The following GLIS3 variants were observed in gnomAD, a reference collection of about 807,000 sequenced individuals.
GLIS3 encodes the protein GLIS family zinc finger 3.
A neutral mutation model predicts 78.6 loss-of-function variants in GLIS3; 53 were observed. That is an observed-to-expected ratio of 0.67 (90% CI 0.54 to 0.85). The LOEUF (loss-of-function observed/expected upper bound fraction) is 0.85, where lower values mean the gene tolerates loss of function less well. Ranked by LOEUF, GLIS3 falls within the 40% of genes least tolerant of loss-of-function variation. The pLI, the probability that GLIS3 is intolerant of heterozygous loss-of-function variation, is 0.00. For missense variants in GLIS3, 1,703 were observed against 1,231.1 expected (o/e 1.38, Z -5.74); for synonymous variants, 684 against 509.9 (o/e 1.34, Z -4.60).
chr9:4,274,566 G>C (rs1282673450), intron 2 of GLIS3, among the ~76,000 whole-genome samples: 1 of 152,196 alleles, frequency 6.6e-6, no homozygotes, highest in Non-Finnish European at 1.5e-5. Context: ...AAGTGGAAGA[G>C]TCAGCGGTCA....
At chr9:4,126,433 G>T (rs1318799090) in intron 2 of GLIS3, among the ~76,000 whole-genome samples, 2 of 152,092 alleles carry the variant, frequency 1.3e-5, no homozygotes, top group Non-Finnish European at 2.9e-5. Context: ...CTCTACTCTT[G>T]ATTTTTTTTC....
At chr9:4,245,695 C>T (rs542681500) in intron 2 of GLIS3, among the ~76,000 whole-genome samples, 9 of 152,192 alleles carry the variant, frequency 5.9e-5, no homozygotes, top group Admixed American at 4.6e-4. Flanking sequence ...GTGATGGATA[C>T]GCTAATTATC....
chr9:4,365,555 CA>C, the GLIS3 span, among the ~76,000 whole-genome samples: 3 of 145,374 alleles, frequency 2.1e-5, no homozygotes, highest in South Asian at 2.2e-4. Context: ...GACTCCATCT[CA>C]AAAAAAAAGA....
At chr9:3,980,367 A>G (rs1360010367) in intron 4 of GLIS3, among the ~76,000 whole-genome samples, 1 of 152,220 alleles carries the variant, frequency 6.6e-6, no homozygotes. Context: ...CGTAAGTGGC[A>G]GAGCTGGGAT....
intron 4 of GLIS3, among the ~76,000 whole-genome samples, chr9:3,988,854 A>G (rs1424319938): frequency 6.6e-6 from 1 of 152,166 alleles, no homozygotes; most frequent in African/African-American, 2.4e-5. Context: ...ATTTAGAGTT[A>G]GGCAAAGACT....
chr9:3,985,412 T>G (rs1266878858), intron 4 of GLIS3, among the ~76,000 whole-genome samples: 1 of 152,196 alleles, frequency 6.6e-6, no homozygotes, highest in Non-Finnish European at 1.5e-5. Flanking sequence ...CCTCCCAAGG[T>G]GCTGGGATTA....
intron 2 of GLIS3, among the ~76,000 whole-genome samples, chr9:4,247,782 T>A (rs372490016): frequency 6.6e-5 from 10 of 152,214 alleles, no homozygotes; most frequent in Middle Eastern, 3.2e-3. Flanking sequence ...AGTTTTCTCA[T>A]AATTATTTTA....
At chr9:4,029,779 C>T (rs1037532056) in intron 4 of GLIS3, among the ~76,000 whole-genome samples, 1 of 152,160 alleles carries the variant, frequency 6.6e-6, no homozygotes, top group Non-Finnish European at 1.5e-5. Context: ...ATGCAAATGA[C>T]TGGATCTCAT....
In GLIS3 at chr9:3,865,570, G is replaced by C. The variant is rs553392318; in HGVS notation, c.2298-9386C>G. Among the ~76,000 whole-genome samples, 6 of 152,354 alleles carry C rather than the reference G, an allele frequency of 3.9e-5. No homozygotes were observed. The South Asian group carries it at 1.2e-3, about 32-fold the overall frequency. On this transcript the variant is annotated intron_variant, in intron 8 of 10. Transcript: ENST00000381971. ...CAAGTTGGAATAATACCATGAGTTA[G>C]TGTGACTTCCATTGTTGCTTCATGC...
chr9:4,245,171 C>T lies in GLIS3; in HGVS notation c.388+40867G>A, dbSNP rs76378971. Among the ~76,000 whole-genome samples, 797 of 152,230 alleles carry T rather than the reference C, an allele frequency of 5.2e-3. 4 individuals carry two copies. The highest frequency in any genetic ancestry group is 0.018 in the African/African-American group (758 of 41,544). ...AACCATGTTTTCTTAATGATCTGAG[C>T]AACAATCAGTCCAGATCATGTTGGT... On this transcript the variant is annotated intron_variant, in intron 2 of 10. Coordinates refer to ENST00000381971, the MANE Select transcript of GLIS3 (RefSeq NM_001042413.2).
intron 2 of GLIS3, among the ~76,000 whole-genome samples, chr9:4,161,702 G>C (rs1186856033): frequency 2.8e-5 from 3 of 108,616 alleles, no homozygotes; most frequent in East Asian, 2.9e-4. Context: ...TTTTGAGACA[G>C]AGTTTCGCTC....
At chr9:4,228,366 G>A (rs748949718) in intron 2 of GLIS3, among the ~76,000 whole-genome samples, 3 of 152,156 alleles carry the variant, frequency 2.0e-5, no homozygotes, top group Admixed American at 6.5e-5. Flanking sequence ...CCATGCGAAT[G>A]TAACAGGTGA....
chr9:4,029,343 G>A (rs1392570403), intron 4 of GLIS3, among the ~76,000 whole-genome samples: 1 of 151,590 alleles, frequency 6.6e-6, no homozygotes, highest in East Asian at 1.9e-4. Flanking sequence ...TTCATAGTAG[G>A]TGTATATATT....
At chr9:4,285,942 A>G in intron 2 of GLIS3, 96 bp downstream of exon 2, 1 of 1,415,104 alleles carries the variant, frequency 7.1e-7, no homozygotes, top group Non-Finnish European at 1.0e-6. Flanking sequence ...CTGACACTGA[A>G]TCATGTATTT....
intron 2 of GLIS3, among the ~76,000 whole-genome samples, chr9:4,345,661 A>G (rs540871524): frequency 6.6e-6 from 1 of 152,358 alleles, no homozygotes; most frequent in African/African-American, 2.4e-5. Flanking sequence ...ACAGAAATTT[A>G]TCTTCTTTTC....
At chr9:4,099,355 G>A (rs1403980419) in intron 4 of GLIS3, among the ~76,000 whole-genome samples, 1 of 152,114 alleles carries the variant, frequency 6.6e-6, no homozygotes, top group Non-Finnish European at 1.5e-5. Context: ...GTGGTTTGCT[G>A]GCAATCTTTG....
chr9:3,938,406 A>G (rs1483554808), intron 4 of GLIS3, among the ~76,000 whole-genome samples: 1 of 152,232 alleles, frequency 6.6e-6, no homozygotes, highest in African/African-American at 2.4e-5. Context: ...GAAATTGTAT[A>G]AAACTCTTTG....
At chr9:4,333,800 T>C (rs1197426721) in intron 2 of GLIS3, among the ~76,000 whole-genome samples, 2 of 135,458 alleles carry the variant, frequency 1.5e-5, no homozygotes, top group African/African-American at 5.6e-5. Context: ...TTACACCTGA[T>C]TGGAAATATC....
intron 2 of GLIS3, among the ~76,000 whole-genome samples, chr9:4,316,592 A>C (rs1276411918): frequency 6.6e-6 from 1 of 152,140 alleles, no homozygotes; most frequent in Non-Finnish European, 1.5e-5. Flanking sequence ...CCCATACCCC[A>C]AAGTGTGCAT....
Sources: allele counts gnomAD v4.1 joint callset (sites outside exome capture counted in the v4.1 genomes callset), GRCh38; gene constraint gnomAD v4.1.1; transcripts MANE v1.5; gene names NCBI Gene and HGNC (gene_info 2026-07-23, HGNC 2026-07-21).